Variants in TENM3 observed in about 807,000 individuals in gnomAD.
The protein encoded by TENM3 is teneurin transmembrane protein 3, also known as teneurin-3.
TENM3 carries 63 observed loss-of-function variants against 255.1 expected under a neutral mutation model. The observed-to-expected ratio is 0.25, with a 90% confidence interval of 0.20 to 0.30. The LOEUF (loss-of-function observed/expected upper bound fraction) is 0.30. TENM3 is among the 10% of genes least tolerant of loss of function. The pLI, the probability that TENM3 is intolerant of heterozygous loss-of-function variation, is 1.00. For synonymous variants in TENM3, 1,306 were observed against 1,322.3 expected (o/e 0.99, Z 0.27); for missense variants, 2,929 against 3,461.1 (o/e 0.85, Z 3.86).
At chr4:182,014,608 T>TTAGAC in the TENM3 span, among the ~76,000 whole-genome samples, 1 of 151,458 alleles carries the variant, frequency 6.6e-6, no homozygotes, top group Non-Finnish European at 1.5e-5. Context: ...CAGCGGCACA[T>TTAGAC]TAGATTTATT....
chr4:181,906,348 C>A, the TENM3 span: 1 of 203,516 alleles, frequency 4.9e-6, no homozygotes, highest in Non-Finnish European at 1.1e-5. Flanking sequence ...GTTCAAGTGT[C>A]TCCTCCTGTA....
chr4:182,097,116 C>G, the TENM3 span, among the ~76,000 whole-genome samples: 1 of 152,050 alleles, frequency 6.6e-6, no homozygotes, highest in Non-Finnish European at 1.5e-5. Flanking sequence ...GTGTGGCTGA[C>G]AAGGTTCAAT....
chr4:182,146,779 A>G (rs756696917), intron 1 of TENM3, among the ~76,000 whole-genome samples: 4 of 152,154 alleles, frequency 2.6e-5, no homozygotes, highest in African/African-American at 4.8e-5. Context: ...TTAGCAACCT[A>G]TGCACCCTAA....
At chr4:181,861,081 C>G in the TENM3 span, among the ~76,000 whole-genome samples, 1 of 152,162 alleles carries the variant, frequency 6.6e-6, no homozygotes, top group African/African-American at 2.4e-5. Context: ...CTTAAGAAAT[C>G]TTCAGCAGGC....
At chr4:181,602,311 A>T in the TENM3 span, among the ~76,000 whole-genome samples, 1 of 152,080 alleles carries the variant, frequency 6.6e-6, no homozygotes, top group East Asian at 1.9e-4. Flanking sequence ...TGTCCTCACT[A>T]TTTTTGCCAA....
At chr4:182,273,615 T>C (rs1466780461) in intron 1 of TENM3, among the ~76,000 whole-genome samples, 1 of 152,180 alleles carries the variant, frequency 6.6e-6, no homozygotes, top group East Asian at 1.9e-4. Flanking sequence ...TACATGCTGA[T>C]TGTAAGAGGA....
At chr4:181,920,267 T>A in the TENM3 span, among the ~76,000 whole-genome samples, 1 of 152,042 alleles carries the variant, frequency 6.6e-6, no homozygotes, top group Admixed American at 6.5e-5. Context: ...GTTGGCTGGG[T>A]CAAATGGTAT....
At position 182,792,987 on chromosome 4, in the gene TENM3, G is replaced by A. The variant is rs759715731; in HGVS notation, c.6315G>A (p.Gln2105=). The A allele has an allele frequency of 5.0e-5, 81 of 1,613,798 alleles. No individual in the cohort carries two copies. The highest frequency in any genetic ancestry group is 6.4e-5 in the Non-Finnish European group (76 of 1,179,864). ...CGCTCATGTACTGGATTACAATTCA[G>A]TATGATAACATGGGTCGGGTAACCA... ...FRSLMYWITI[Q]YDNMGRVTKR... Residue 2105 remains glutamine (Q), a synonymous_variant, in exon 26 of 28, where the codon CAG becomes CAA. Coordinates refer to ENST00000511685, the MANE Select transcript of TENM3 (RefSeq NM_001080477.4). This position sits in a 1 kb window ranked among gnomAD's most constrained non-coding sequence, Gnocchi z 6.3.
Position 182,324,134 on chromosome 4 carries a change from G to T in TENM3, c.114G>T (p.Gln38His). The part of the protein sequence containing the change: ...ADNEECRVPT[Q>H]KSYSSSETLK... ...ATGAGGAGTGCCGGGTACCCACACAGAAGTCCTACAGTTCCAGCGAGACAT... is the reference window on the plus strand; with the variant it reads ...ATGAGGAGTGCCGGGTACCCACACATAAGTCCTACAGTTCCAGCGAGACAT... Residue 38 changes from glutamine to histidine, a missense_variant, in exon 2 of 28, where the codon CAG (glutamine) becomes CAT (histidine). Coordinates refer to ENST00000511685, the MANE Select transcript of TENM3 (RefSeq NM_001080477.4). The T allele has an allele frequency of 6.2e-7, 1 of 1,613,996 alleles. No individual in the cohort carries two copies. Among genetic ancestry groups the T allele is most frequent in the Non-Finnish European group, 8.5e-7 (1 of 1,179,892 alleles).
At chr4:182,405,880 C>A (rs1048688091) in intron 3 of TENM3, among the ~76,000 whole-genome samples, 3 of 152,118 alleles carry the variant, frequency 2.0e-5, no homozygotes, top group Non-Finnish European at 4.4e-5. Context: ...TAAAGGAGCA[C>A]CACAAGCAGG....
At chr4:182,014,056 G>A in the TENM3 span, among the ~76,000 whole-genome samples, 1 of 27,732 alleles carries the variant, frequency 3.6e-5, no homozygotes, top group Non-Finnish European at 9.0e-5. Flanking sequence ...ATATATACGT[G>A]TATATACGTA....
At chr4:181,922,990 G>T in the TENM3 span, among the ~76,000 whole-genome samples, 1 of 152,058 alleles carries the variant, frequency 6.6e-6, no homozygotes, top group East Asian at 1.9e-4. Flanking sequence ...ATTTCGTTAT[G>T]TACCCAGTAG....
intron 1 of TENM3, among the ~76,000 whole-genome samples, chr4:182,265,251 A>G (rs1473322442): frequency 6.6e-6 from 1 of 152,296 alleles, no homozygotes; most frequent in Middle Eastern, 3.4e-3. Flanking sequence ...TAGGTAGGAA[A>G]TATACTTTAA....
At chr4:181,827,055 A>AAAT in the TENM3 span, among the ~76,000 whole-genome samples, 1 of 152,118 alleles carries the variant, frequency 6.6e-6, no homozygotes, top group African/African-American at 2.4e-5. Context: ...GAGTCCTATA[A>AAAT]AGCAGGAGTC....
At chr4:182,529,551 C>T (rs947229358) in intron 3 of TENM3, among the ~76,000 whole-genome samples, 4 of 151,972 alleles carry the variant, frequency 2.6e-5, no homozygotes, top group East Asian at 1.9e-4. Context: ...CTTTCTTCTA[C>T]GTAGTATAAA....
rs534173404 is a variant in TENM3 at position 182,378,521 on chromosome 4, C to T, written c.511+31592C>T. ...AAAGCTGAGACTTGAGGGGACAGAA[C>T]GAACAAGTTAGATAACATAGCAGGA... On this transcript the variant is annotated intron_variant, in intron 3 of 27. Transcript: ENST00000511685. 5.9e-5 allele frequency among the ~76,000 whole-genome samples: 9 copies of T among 152,122 alleles called. No homozygotes were observed. In the South Asian group the frequency reaches 8.3e-4, roughly 14 times the overall value.
At chr4:181,520,482 TGAAA>T in the TENM3 span, among the ~76,000 whole-genome samples, 2 of 152,094 alleles carry the variant, frequency 1.3e-5, no homozygotes, top group African/African-American at 4.8e-5. Context: ...GGCACATGAC[TGAAA>T]GACAGTTTTG....
intron 24 of TENM3, among the ~76,000 whole-genome samples, chr4:182,778,912 GTA>G (rs1410692395): frequency 5.5e-4 from 81 of 146,484 alleles, no homozygotes; most frequent in Admixed American, 5.1e-3. Context: ...GTGTGTGTGT[GTA>G]TGTGTGTGTG....
At chr4:182,047,560 C>CAAAAAAAA in the TENM3 span, among the ~76,000 whole-genome samples, 2 of 72,298 alleles carry the variant, frequency 2.8e-5, no homozygotes, top group Non-Finnish European at 5.0e-5. Context: ...GACTCCATCT[C>CAAAAAAAA]AAAAAAAAAA....
Sources: gnomAD v4.1 joint callset for allele counts (sites outside exome capture counted in the v4.1 genomes callset) on GRCh38, gnomAD v4.1.1 for gene constraint, Gnocchi (gnomAD v3.1) non-coding constraint, MANE v1.5 for transcripts, NCBI Gene and HGNC (gene_info 2026-07-23, HGNC 2026-07-21) for gene names.